ELAVL4: variants seen among roughly 807,000 people sequenced by gnomAD.
ELAVL4 encodes the protein ELAV-like protein 4.
ELAVL4 carries 1 observed loss-of-function variant against 35.6 expected under a neutral mutation model. The ratio of observed to expected loss-of-function variants is 0.03; its 90% CI spans 0.01 to 0.13. ELAVL4 has a LOEUF of 0.13. ELAVL4 is among the 10% of genes least tolerant of loss of function. The pLI, the probability that ELAVL4 is intolerant of heterozygous loss-of-function variation, is 1.00. For synonymous variants in ELAVL4, 156 were observed against 171.0 expected (o/e 0.91, Z 0.69); for missense variants, 267 against 464.9 (o/e 0.57, Z 3.91).
chr1:50,117,074 T>C (rs1668075982), intron 1 of ELAVL4, among the ~76,000 whole-genome samples: 2 of 152,158 alleles, frequency 1.3e-5, no homozygotes. Flanking sequence ...TCGTTAGCTT[T>C]TACTTTTTAA....
At chr1:50,090,393 G>A (rs1316481311) in intron 1 of ELAVL4, among the ~76,000 whole-genome samples, 1 of 152,062 alleles carries the variant, frequency 6.6e-6, no homozygotes, top group African/African-American at 2.4e-5. Context: ...TACAATGTGT[G>A]CCACTAGGCT....
At chr1:50,080,416 T>TCA (rs71751816) in intron 1 of ELAVL4, among the ~76,000 whole-genome samples, 18,445 of 149,450 alleles carry the variant, frequency 0.12, 1,645 homozygotes, top group African/African-American at 0.26. Flanking sequence ...GTTGTTGATT[T>TCA]CACACACACA....
chr1:50,078,107 TGTG>T (rs1293089996), intron 1 of ELAVL4, among the ~76,000 whole-genome samples: 2 of 95,816 alleles, frequency 2.1e-5, no homozygotes, highest in East Asian at 5.2e-4. Context: ...ATATATACCT[TGTG>T]TGTGTGTGTG....
chr1:50,060,795 A>G (rs939289525), intron 1 of ELAVL4, among the ~76,000 whole-genome samples: 14 of 152,080 alleles, frequency 9.2e-5, no homozygotes, highest in African/African-American at 2.9e-4. Context: ...ACACCACTCC[A>G]TCTCTTCTTT....
At chr1:50,111,472 G>C (rs1667065513) in intron 1 of ELAVL4, among the ~76,000 whole-genome samples, 1 of 152,072 alleles carries the variant, frequency 6.6e-6, no homozygotes, top group East Asian at 1.9e-4. Flanking sequence ...GCAATGATTT[G>C]GGGTTAGGTG....
upstream of ELAVL4, among the ~76,000 whole-genome samples, chr1:50,099,560 C>CAAAAAAAAA (rs750905424): frequency 5.3e-5 from 3 of 56,276 alleles, no homozygotes; most frequent in Admixed American, 1.9e-4. Flanking sequence ...AACTCCGCCT[C>CAAAAAAAAA]AAAAAAAAAA....
Position 50,193,934 on chromosome 1 carries a change from G to A in ELAVL4, c.508+16G>A, listed in dbSNP as rs920818237. ...CAAGTCACAGGTTAAGTGTTTCTTTGTAATTTCTTTCCTTGTATATCAATG... is the reference window on the plus strand; with the variant it reads ...CAAGTCACAGGTTAAGTGTTTCTTTATAATTTCTTTCCTTGTATATCAATG... On this transcript the variant is annotated intron_variant, in intron 4 of 6. Coordinates refer to ENST00000371824, the MANE Select transcript of ELAVL4 (RefSeq NM_001144774.3). 1.9e-6 allele frequency: 3 copies of A among 1,612,810 alleles called. No homozygotes were observed. In the African/African-American group the frequency reaches 4.0e-5, roughly 22 times the overall value.
At chr1:50,066,284 A>G (rs1664263504) in intron 1 of ELAVL4, among the ~76,000 whole-genome samples, 1 of 152,234 alleles carries the variant, frequency 6.6e-6, no homozygotes, top group Admixed American at 6.5e-5. Context: ...CCTTCATAAC[A>G]TGCTAGATAC....
intron 1 of ELAVL4, among the ~76,000 whole-genome samples, chr1:50,049,692 C>G (rs150119208): frequency 1.8e-4 from 27 of 152,254 alleles, no homozygotes; most frequent in African/African-American, 6.5e-4. Flanking sequence ...TGGATTCCTT[C>G]CATTCATTTT....
chr1:50,078,196 G>C (rs1664852967), intron 1 of ELAVL4, among the ~76,000 whole-genome samples: 1 of 151,794 alleles, frequency 6.6e-6, no homozygotes, highest in South Asian at 2.1e-4. Context: ...AGTAGTAGTG[G>C]TGGTGATGAC....
rs1003473537 is a variant in ELAVL4 at position 50,201,267 on chromosome 1, G to A, written c.*89G>A. 8.7e-6 allele frequency: 12 copies of A among 1,382,164 alleles called. No individual in the cohort carries two copies. The highest frequency in any genetic ancestry group is 2.5e-4 in the Middle Eastern group (1 of 3,974). 85.6% of individuals were successfully genotyped at this position (1,382,164 alleles called of 1,614,324 possible). ...CACACACACATACACGAAAGAGAGA[G>A]AAACAAACTTTTCAAGGCTTATATT... On this transcript the variant is annotated 3_prime_UTR_variant, in exon 7 of 7. Coordinates refer to ENST00000371824, the MANE Select transcript of ELAVL4 (RefSeq NM_001144774.3). This position sits in a 1 kb window ranked among gnomAD's most constrained non-coding sequence, Gnocchi z 4.3.
intron 1 of ELAVL4, among the ~76,000 whole-genome samples, chr1:50,088,590 A>G (rs1048125372): frequency 2.6e-5 from 4 of 152,230 alleles, no homozygotes; most frequent in African/African-American, 7.2e-5. Flanking sequence ...AATCTCGGAC[A>G]AAGTAAGAGA....
At chr1:50,074,621 G>T (rs2148490219) in intron 1 of ELAVL4, among the ~76,000 whole-genome samples, 1 of 152,306 alleles carries the variant, frequency 6.6e-6, no homozygotes, top group Admixed American at 6.5e-5. Context: ...TATATGGTGA[G>T]CTCAGTGCTT....
intron 1 of ELAVL4, among the ~76,000 whole-genome samples, chr1:50,132,496 C>T (rs1671017762): frequency 1.3e-5 from 2 of 152,190 alleles, no homozygotes; most frequent in Non-Finnish European, 2.9e-5. Context: ...TCTTATAAAT[C>T]ATCTTCTCTC....
intron 2 of ELAVL4, among the ~76,000 whole-genome samples, chr1:50,149,120 A>G (rs2148706649): frequency 6.6e-6 from 1 of 152,312 alleles, no homozygotes; most frequent in East Asian, 1.9e-4. Context: ...AAATTAGGCC[A>G]GGCGCAGTGA....
At chr1:50,051,541 A>T (rs946941187) in intron 1 of ELAVL4, among the ~76,000 whole-genome samples, 2 of 152,230 alleles carry the variant, frequency 1.3e-5, no homozygotes, top group African/African-American at 4.8e-5. Flanking sequence ...AAAGTGGGGC[A>T]GTATATAATG....
chr1:50,131,902 A>C (rs76403977), intron 1 of ELAVL4, among the ~76,000 whole-genome samples: 1 of 150,962 alleles, frequency 6.6e-6, no homozygotes, highest in Non-Finnish European at 1.5e-5. Flanking sequence ...AAAAAAAAAA[A>C]CCAGAAGTTT....
chr1:50,169,210 C>T (rs963845540), intron 2 of ELAVL4, among the ~76,000 whole-genome samples: 1 of 151,958 alleles, frequency 6.6e-6, no homozygotes, highest in Non-Finnish European at 1.5e-5. Flanking sequence ...TTTCTGCCTG[C>T]TTTATATTCA....
At chr1:50,154,019 G>A (rs988820185) in intron 2 of ELAVL4, among the ~76,000 whole-genome samples, 2 of 152,210 alleles carry the variant, frequency 1.3e-5, no homozygotes, top group Non-Finnish European at 2.9e-5. Flanking sequence ...AAGCCACCCA[G>A]TCTGTGGTAT....
Sources: gnomAD v4.1 joint callset for allele counts (sites outside exome capture counted in the v4.1 genomes callset) on GRCh38, gnomAD v4.1.1 for gene constraint, Gnocchi (gnomAD v3.1) non-coding constraint, MANE v1.5 for transcripts, NCBI Gene and HGNC (gene_info 2026-07-23, HGNC 2026-07-21) for gene names.